Variants in STXBP5L observed in about 807,000 individuals in gnomAD.
The protein encoded by STXBP5L is syntaxin-binding protein 5-like.
STXBP5L carries 65 observed loss-of-function variants against 144.5 expected under a neutral mutation model. That is an observed-to-expected ratio of 0.45 (90% CI 0.37 to 0.55). The LOEUF (loss-of-function observed/expected upper bound fraction) is 0.55. Ranked by LOEUF, STXBP5L falls within the 20% of genes least tolerant of loss-of-function variation. STXBP5L has a pLI of 0.00. For synonymous variants in STXBP5L, 505 were observed against 469.6 expected (o/e 1.08, Z -0.97); for missense variants, 1,298 against 1,405.5 (o/e 0.92, Z 1.22).
chr3:121,049,499 A>G (rs1265409209), intron 5 of STXBP5L: 2 of 153,830 alleles, frequency 1.3e-5, no homozygotes, highest in African/African-American at 4.8e-5. Flanking sequence ...CACTGAGTAC[A>G]CTCCCCAGCC....
At chr3:121,316,884 T>C (rs2043806050) in intron 19 of STXBP5L, among the ~76,000 whole-genome samples, 1 of 152,206 alleles carries the variant, frequency 6.6e-6, no homozygotes, top group African/African-American at 2.4e-5. Context: ...TTAATGTTTC[T>C]AGTTCTAGCA....
At chr3:121,026,230 A>C (rs995333038) in intron 3 of STXBP5L, among the ~76,000 whole-genome samples, 4 of 151,694 alleles carry the variant, frequency 2.6e-5, no homozygotes, top group Admixed American at 2.0e-4. Flanking sequence ...AACCTTTTAC[A>C]GTTCTTTTAA....
At chr3:121,382,930 C>T (rs2046351512) in intron 22 of STXBP5L, among the ~76,000 whole-genome samples, 1 of 152,022 alleles carries the variant, frequency 6.6e-6, no homozygotes, top group Non-Finnish European at 1.5e-5. Flanking sequence ...GGGAAGCTAT[C>T]TTCTCCAAGT....
intron 5 of STXBP5L, among the ~76,000 whole-genome samples, chr3:121,078,071 T>C (rs995568111): frequency 2.0e-5 from 3 of 150,618 alleles, no homozygotes; most frequent in African/African-American, 4.9e-5. Flanking sequence ...AGAGTGCCAA[T>C]TGGTGTATTT....
intron 9 of STXBP5L, among the ~76,000 whole-genome samples, chr3:121,198,886 A>G (rs975677844): frequency 6.6e-6 from 1 of 152,136 alleles, no homozygotes; most frequent in Non-Finnish European, 1.5e-5. Flanking sequence ...TGGTTACTGT[A>G]GCCTTGTAGT....
chr3:120,977,323 C>G (rs1375818332), intron 3 of STXBP5L, among the ~76,000 whole-genome samples: 1 of 152,070 alleles, frequency 6.6e-6, no homozygotes, highest in Admixed American at 6.5e-5. Context: ...CCCTTTTGAT[C>G]TTTGTTGGTT....
intron 20 of STXBP5L, among the ~76,000 whole-genome samples, chr3:121,362,402 G>A (rs1333373975): frequency 1.3e-5 from 2 of 152,158 alleles, no homozygotes; most frequent in Non-Finnish European, 2.9e-5. Flanking sequence ...TCCTGGGTAG[G>A]TCCAGAAGTG....
At chr3:121,353,840 A>G (rs2045398302) in intron 20 of STXBP5L, among the ~76,000 whole-genome samples, 1 of 152,188 alleles carries the variant, frequency 6.6e-6, no homozygotes, top group Non-Finnish European at 1.5e-5. Context: ...ATTTCCCTCT[A>G]CACACTGCTT....
chr3:121,222,883 T>G (rs1577247973), intron 10 of STXBP5L, 120 bp from the exon 11 acceptor site: 2 of 1,138,794 alleles, frequency 1.8e-6, no homozygotes, highest in Admixed American at 3.0e-5. Flanking sequence ...CCGGGCAAGT[T>G]TTTTGCTGTC....
At chr3:120,971,421 T>G (rs1940236760) in intron 3 of STXBP5L, among the ~76,000 whole-genome samples, 1 of 151,724 alleles carries the variant, frequency 6.6e-6, no homozygotes, top group Non-Finnish European at 1.5e-5. Flanking sequence ...GCCTCCAATG[T>G]CTATTATTCA....
At chr3:121,314,931 T>G (rs2043727446) in intron 19 of STXBP5L, among the ~76,000 whole-genome samples, 1 of 151,988 alleles carries the variant, frequency 6.6e-6, no homozygotes, top group African/African-American at 2.4e-5. Flanking sequence ...AAAACCACAA[T>G]GAGATACCAT....
At chr3:120,985,860 A>G (rs988353555) in intron 3 of STXBP5L, among the ~76,000 whole-genome samples, 1 of 151,798 alleles carries the variant, frequency 6.6e-6, no homozygotes, top group Non-Finnish European at 1.5e-5. Context: ...TCATCTTTCC[A>G]AAGAACCAAC....
chr3:121,241,411 G>A (rs1344984198), intron 14 of STXBP5L, among the ~76,000 whole-genome samples: 13 of 86,234 alleles, frequency 1.5e-4, no homozygotes, highest in Non-Finnish European at 2.0e-4. Flanking sequence ...ACACACACAC[G>A]CACACACCTT....
intron 18 of STXBP5L, among the ~76,000 whole-genome samples, chr3:121,272,541 A>G (rs1196552517): frequency 2.6e-5 from 4 of 152,212 alleles, no homozygotes; most frequent in Non-Finnish European, 5.9e-5. Context: ...TAGGCAGCAT[A>G]TAGTTGGATC....
chr3:121,013,081 T>C (rs1944899395), intron 3 of STXBP5L, among the ~76,000 whole-genome samples: 1 of 152,030 alleles, frequency 6.6e-6, no homozygotes, highest in Admixed American at 6.6e-5. Flanking sequence ...CCACATTTTC[T>C]TTATCCAATC....
intron 9 of STXBP5L, among the ~76,000 whole-genome samples, chr3:121,171,283 T>C (rs145351753): frequency 5.4e-4 from 82 of 152,296 alleles, no homozygotes; most frequent in African/African-American, 1.9e-3. Context: ...AGCATTCCCT[T>C]TGAAAACTGG....
intron 7 of STXBP5L, among the ~76,000 whole-genome samples, chr3:121,141,786 G>T (rs2045517395): frequency 6.6e-6 from 1 of 151,786 alleles, no homozygotes; most frequent in African/African-American, 2.4e-5. Context: ...AAAATAAAAA[G>T]AAATCAAAGC....
At chr3:121,356,574 C>T (rs1381692316) in intron 20 of STXBP5L, among the ~76,000 whole-genome samples, 2 of 152,206 alleles carry the variant, frequency 1.3e-5, no homozygotes, top group African/African-American at 4.8e-5. Flanking sequence ...GGGAGTATCC[C>T]ATTTTTCCAG....
Position 120,954,931 on chromosome 3 carries a change from C to T in STXBP5L, c.190-9C>T. On this transcript the variant is annotated splice_polypyrimidine_tract_variant and intron_variant, in intron 2 of 26. Coordinates refer to ENST00000471454, the MANE Select transcript of STXBP5L (RefSeq NM_001308330.2). ...TAGAGACTTATTGGTATTATTTGCT[C>T]TCTTTCAGACAGTTCGGCATGGTTT... 6.2e-7 allele frequency: 1 copy of T among 1,602,306 alleles called. No homozygotes were observed. Among genetic ancestry groups the T allele is most frequent in the Non-Finnish European group, 8.5e-7 (1 of 1,173,712 alleles).
Sources: gnomAD v4.1 joint callset for allele counts (sites outside exome capture counted in the v4.1 genomes callset) on GRCh38, gnomAD v4.1.1 for gene constraint, MANE v1.5 for transcripts, NCBI Gene and HGNC (gene_info 2026-07-23, HGNC 2026-07-21) for gene names.